Variants in DLG2 observed in about 807,000 individuals in gnomAD.
DLG2 encodes the protein disks large homolog 2.
A neutral mutation model predicts 132.5 loss-of-function variants in DLG2; 45 were observed. The observed-to-expected ratio is 0.34, with a 90% CI of 0.27 to 0.44. DLG2 has a LOEUF of 0.44. Among genes scored for constraint, DLG2 ranks in the 20% least tolerant of loss-of-function variants. DLG2 has a pLI of 1.00. For synonymous variants in DLG2, 424 were observed against 419.6 expected, an observed-to-expected ratio of 1.01 and a Z score of -0.13; for missense variants, 1,045 against 1,196.9, an observed-to-expected ratio of 0.87 and a Z score of 1.87.
At chr11:85,129,640 C>T (rs2075496289) in intron 5 of DLG2, among the ~76,000 whole-genome samples, 1 of 152,174 alleles carries the variant, frequency 6.6e-6, no homozygotes, top group Non-Finnish European at 1.5e-5. Context: ...TTGTGGAAGA[C>T]AGTGTGGCAA....
At chr11:85,596,444 A>G (rs1230513472) in intron 3 of DLG2, among the ~76,000 whole-genome samples, 1 of 152,160 alleles carries the variant, frequency 6.6e-6, no homozygotes, top group Non-Finnish European at 1.5e-5. Flanking sequence ...AGAGAGAGGG[A>G]CTGGCTTCCT....
rs371144678 is a variant in DLG2, at chr11:84,165,852, C to T, written c.574-2341G>A. ...GATGGAGGTTACAGTGAGCCGAGAT[C>T]GCACCACTACACTCCAGCCTGGGTG... On this transcript the variant is annotated intron_variant, in intron 8 of 27. Transcript: ENST00000376104. 4.6e-5 allele frequency among the ~76,000 whole-genome samples: 7 copies of T among 152,076 alleles called. No homozygotes were observed. The East Asian group carries it at 1.2e-3, about 25-fold the overall frequency.
At chr11:83,633,591 A>T (rs1034392924) in intron 18 of DLG2, among the ~76,000 whole-genome samples, 3 of 151,978 alleles carry the variant, frequency 2.0e-5, no homozygotes, top group African/African-American at 7.2e-5. Context: ...GGGGGCTGGG[A>T]GAGGGAGGAT....
At position 85,028,682 on chromosome 11, in the gene DLG2, G is replaced by A. The variant is rs530636262; in HGVS notation, c.357+82979C>T. On this transcript the variant is annotated intron_variant, in intron 6 of 27. Coordinates refer to ENST00000376104, the MANE Select transcript of DLG2 (RefSeq NM_001142699.3). The stretch of plus-strand genomic sequence containing the variant: ...TTGCTCTAAAATCAGAGTGGACACC[G>A]GGAACAGGGAGAGGCCAGACAGTGG... 9.8e-5 allele frequency among the ~76,000 whole-genome samples: 15 copies of A among 152,296 alleles called. No homozygotes were observed. In the East Asian group the frequency reaches 1.7e-3, roughly 18 times the overall value.
At chr11:85,548,571 T>G (rs2076471124) in intron 3 of DLG2, among the ~76,000 whole-genome samples, 1 of 152,202 alleles carries the variant, frequency 6.6e-6, no homozygotes, top group Non-Finnish European at 1.5e-5. Context: ...TGTTTAAGTC[T>G]GCTGAAGCTG....
intron 16 of DLG2, among the ~76,000 whole-genome samples, chr11:83,834,836 T>G (rs1056362672): frequency 6.6e-6 from 1 of 152,188 alleles, no homozygotes; most frequent in Non-Finnish European, 1.5e-5. Flanking sequence ...TTTTAAAAAG[T>G]GTTTTTGCAA....
At chr11:85,532,765 A>G (rs937476771) in intron 3 of DLG2, among the ~76,000 whole-genome samples, 9 of 152,218 alleles carry the variant, frequency 5.9e-5, no homozygotes, top group African/African-American at 2.2e-4. Context: ...CTGCCCATAG[A>G]AAAGGCTCTG....
intron 7 of DLG2, among the ~76,000 whole-genome samples, chr11:84,496,813 T>C (rs1246057874): frequency 6.6e-6 from 1 of 152,174 alleles, no homozygotes; most frequent in Non-Finnish European, 1.5e-5. Flanking sequence ...GAAATGTGAC[T>C]TTAATTAGCC....
intron 6 of DLG2, among the ~76,000 whole-genome samples, chr11:84,629,305 AATT>A (rs2154543520): frequency 1.3e-5 from 2 of 152,324 alleles, no homozygotes; most frequent in South Asian, 4.1e-4. Flanking sequence ...ATCAATACAA[AATT>A]ATTTGAGACT....
intron 6 of DLG2, chr11:84,720,378 T>A (rs1015029949): frequency 1.8e-5 from 18 of 985,358 alleles, no homozygotes; most frequent in South Asian, 1.4e-4. Flanking sequence ...ACAGTCAGGG[T>A]CCTTAACAAC....
chr11:85,276,275 T>C (rs1471419198), intron 4 of DLG2, among the ~76,000 whole-genome samples: 1 of 152,140 alleles, frequency 6.6e-6, no homozygotes, highest in East Asian at 1.9e-4. Context: ...CTATCTTTTT[T>C]GCCAGGATAG....
intron 2 of DLG2, among the ~76,000 whole-genome samples, chr11:85,618,640 T>C (rs944517345): frequency 6.6e-6 from 1 of 152,204 alleles, no homozygotes; most frequent in South Asian, 2.1e-4. Flanking sequence ...AAACCACCTA[T>C]TGAGTACTAT....
chr11:84,849,532 T>G (rs551801630), intron 6 of DLG2, among the ~76,000 whole-genome samples: 75 of 152,248 alleles, frequency 4.9e-4, no homozygotes, highest in Admixed American at 8.5e-4. Flanking sequence ...TAACAAGGTG[T>G]TGTTGTTGCT....
At chr11:84,135,237 A>T (rs2094559562) in intron 9 of DLG2, among the ~76,000 whole-genome samples, 1 of 152,122 alleles carries the variant, frequency 6.6e-6, no homozygotes, top group Non-Finnish European at 1.5e-5. Context: ...ACCAGCAGAG[A>T]CTCAACATTT....
intron 11 of DLG2, among the ~76,000 whole-genome samples, chr11:83,982,639 T>C (rs1022740443): frequency 3.3e-5 from 5 of 152,124 alleles, no homozygotes; most frequent in African/African-American, 1.2e-4. Flanking sequence ...AGGTTAATTA[T>C]TGAAACTTTT....
chr11:84,110,801 G>T (rs1469564912), intron 9 of DLG2, among the ~76,000 whole-genome samples: 1 of 152,186 alleles, frequency 6.6e-6, no homozygotes, highest in Non-Finnish European at 1.5e-5. Flanking sequence ...GTAGTTGGCA[G>T]TCTGTGAAGC....
chr11:84,241,744 G>T (rs751057419), intron 8 of DLG2, among the ~76,000 whole-genome samples: 24 of 152,196 alleles, frequency 1.6e-4, no homozygotes, highest in Non-Finnish European at 2.6e-4. Flanking sequence ...AACTAGAGCT[G>T]CTTAAGGTCT....
At chr11:84,986,829 GC>G (rs1442744291) in intron 6 of DLG2, among the ~76,000 whole-genome samples, 1 of 152,166 alleles carries the variant, frequency 6.6e-6, no homozygotes, top group Non-Finnish European at 1.5e-5. Flanking sequence ...AAAGTTGAAA[GC>G]ATTTCCTCTG....
At chr11:83,636,677 C>A (rs566666657) in intron 18 of DLG2, among the ~76,000 whole-genome samples, 1 of 152,154 alleles carries the variant, frequency 6.6e-6, no homozygotes, top group South Asian at 2.1e-4. Context: ...GCTCTTGTAG[C>A]TGCCTCATTT....
Sources: gnomAD v4.1 joint callset for allele counts (sites outside exome capture counted in the v4.1 genomes callset) on GRCh38, gnomAD v4.1.1 for gene constraint, MANE v1.5 for transcripts, NCBI Gene and HGNC (gene_info 2026-07-23, HGNC 2026-07-21) for gene names.